The following PPP1R37 variants were observed in gnomAD, a reference collection of about 807,000 sequenced individuals.
The protein encoded by PPP1R37 is protein phosphatase 1 regulatory subunit 37.
In PPP1R37, 21 loss-of-function variants were observed where a neutral mutation model predicts 61.0. The ratio of observed to expected loss-of-function variants is 0.34; its 90% CI spans 0.24 to 0.50. PPP1R37 has a LOEUF of 0.50. Among genes scored for constraint, PPP1R37 ranks in the 20% least tolerant of loss-of-function variants. PPP1R37 has a pLI of 0.98. For synonymous variants in PPP1R37, 443 were observed against 433.5 expected (o/e 1.02, Z -0.27); for missense variants, 910 against 952.7 (o/e 0.96, Z 0.59).
chr19:45,144,152 T>C, intron 8 of PPP1R37: 1 of 152,658 alleles, frequency 6.6e-6, no homozygotes. Context: ...TAGTTGGAAC[T>C]ACAGGCACCC....
chr19:45,143,459 C>A, intron 7 of PPP1R37, 62 bp from the exon 8 acceptor site: 1 of 982,552 alleles, frequency 1.0e-6, no homozygotes, highest in Non-Finnish European at 1.5e-6. Flanking sequence ...TCCTACCCTG[C>A]AGTCCCCTCC....
At chr19:45,125,164 C>T (rs1346131648) in intron 1 of PPP1R37, among the ~76,000 whole-genome samples, 1 of 152,108 alleles carries the variant, frequency 6.6e-6, no homozygotes, top group Non-Finnish European at 1.5e-5. Flanking sequence ...CAAACAATAT[C>T]TCTTTAATCT....
intron 1 of PPP1R37, among the ~76,000 whole-genome samples, chr19:45,122,007 G>GGGTTTCA (rs1968347979): frequency 6.6e-6 from 1 of 152,166 alleles, no homozygotes; most frequent in African/African-American, 2.4e-5. Flanking sequence ...CGCAGAGGTA[G>GGGTTTCA]CGAGGCCTTG....
intron 1 of PPP1R37, among the ~76,000 whole-genome samples, chr19:45,125,840 T>C (rs1051119560): frequency 6.6e-6 from 1 of 152,190 alleles, no homozygotes; most frequent in Non-Finnish European, 1.5e-5. Flanking sequence ...GGAAGAGAAG[T>C]GGGCCATTCT....
At chr19:45,118,837 C>T (rs1488328469) in intron 1 of PPP1R37, among the ~76,000 whole-genome samples, 1 of 152,218 alleles carries the variant, frequency 6.6e-6, no homozygotes, top group Non-Finnish European at 1.5e-5. Context: ...GCTGCCTCCA[C>T]AGCCGGGCTG....
chr19:45,123,803 C>G (rs570118549), intron 1 of PPP1R37, among the ~76,000 whole-genome samples: 1 of 152,322 alleles, frequency 6.6e-6, no homozygotes, highest in South Asian at 2.1e-4. Flanking sequence ...TAGCTTCTTG[C>G]AGCTTTGAGG....
At chr19:45,097,514 TG>T (rs941331686) in intron 1 of PPP1R37, among the ~76,000 whole-genome samples, 1 of 151,324 alleles carries the variant, frequency 6.6e-6, no homozygotes. Context: ...GTGGGAGCTG[TG>T]GGGGGTGTCT....
At chr19:45,110,037 G>A (rs1444633256) in intron 1 of PPP1R37, among the ~76,000 whole-genome samples, 2 of 152,194 alleles carry the variant, frequency 1.3e-5, no homozygotes, top group Admixed American at 1.3e-4. Flanking sequence ...GTTCACCAGT[G>A]TAGCCTGGCA....
chr19:45,115,039 G>GC (rs1163531250), intron 1 of PPP1R37, among the ~76,000 whole-genome samples: 1 of 152,148 alleles, frequency 6.6e-6, no homozygotes. Flanking sequence ...TTTTCTTAGT[G>GC]GTTCAGGCAT....
chr19:45,095,608 C>T lies in PPP1R37; in HGVS notation c.202+2081C>T, dbSNP rs549429325. On this transcript the variant is annotated intron_variant, in intron 1 of 12. Transcript: ENST00000221462. The stretch of plus-strand genomic sequence containing the variant: ...TGAAACCGCGTCTCTGCAAAATATA[C>T]GAAAATTAGCCAGGTGTGGTGGTGC... Among the ~76,000 whole-genome samples the T allele has an allele frequency of 1.4e-4, 22 of 151,972 alleles. No homozygotes were observed. In the East Asian group the frequency reaches 1.6e-3, roughly 11 times the overall value.
At chr19:45,094,887 AGT>A (rs1967972771) in intron 1 of PPP1R37, among the ~76,000 whole-genome samples, 1 of 151,960 alleles carries the variant, frequency 6.6e-6, no homozygotes, top group Non-Finnish European at 1.5e-5. Flanking sequence ...AGCTGAAAGG[AGT>A]GTGTTGGAGC....
At chr19:45,122,887 G>A (rs1313476770) in intron 1 of PPP1R37, among the ~76,000 whole-genome samples, 3 of 152,094 alleles carry the variant, frequency 2.0e-5, no homozygotes, top group Admixed American at 6.5e-5. Context: ...GACCCCTCCA[G>A]CCTCCTTGCT....
At chr19:45,129,962 T>C (rs1968455792) in intron 1 of PPP1R37, among the ~76,000 whole-genome samples, 1 of 152,228 alleles carries the variant, frequency 6.6e-6, no homozygotes, top group African/African-American at 2.4e-5. Context: ...CTCTTGCCTC[T>C]GTGAGCCTTG....
chr19:45,120,624 T>C (rs956955147), intron 1 of PPP1R37, among the ~76,000 whole-genome samples: 1 of 152,132 alleles, frequency 6.6e-6, no homozygotes, highest in African/African-American at 2.4e-5. Flanking sequence ...AATCAAAGGG[T>C]ATATGCATGT....
chr19:45,139,148 C>G (rs937811520), intron 2 of PPP1R37, among the ~76,000 whole-genome samples: 1 of 151,998 alleles, frequency 6.6e-6, no homozygotes, highest in Non-Finnish European at 1.5e-5. Flanking sequence ...AACTCCTGAC[C>G]TCAGGTGATC....
chr19:45,104,958 G>A (rs770815435), intron 1 of PPP1R37, among the ~76,000 whole-genome samples: 11 of 152,150 alleles, frequency 7.2e-5, no homozygotes, highest in Non-Finnish European at 1.0e-4. Context: ...TGGGCTCCCC[G>A]TCAGGTGGCC....
chr19:45,094,813 AG>A (rs1967971470), intron 1 of PPP1R37, among the ~76,000 whole-genome samples: 2 of 152,056 alleles, frequency 1.3e-5, no homozygotes, highest in Admixed American at 6.5e-5. Flanking sequence ...GAGATGAAAA[AG>A]TTGGCTACTT....
chr19:45,093,568 C>A, intron 1 of PPP1R37, 41 bp downstream of exon 1: 1 of 1,492,572 alleles, frequency 6.7e-7, no homozygotes, highest in Non-Finnish European at 9.0e-7. Context: ...TCGAGAGGGA[C>A]CCGGGAGTCG....
intron 1 of PPP1R37, among the ~76,000 whole-genome samples, chr19:45,105,077 C>A (rs1221862602): frequency 1.3e-5 from 2 of 152,188 alleles, no homozygotes; most frequent in African/African-American, 4.8e-5. Flanking sequence ...GTGCCCCAGA[C>A]CACGTGGCAC....
Sources: gnomAD v4.1 joint callset for allele counts (sites outside exome capture counted in the v4.1 genomes callset) on GRCh38, gnomAD v4.1.1 for gene constraint, MANE v1.5 for transcripts, NCBI Gene and HGNC (gene_info 2026-07-23, HGNC 2026-07-21) for gene names.